CA1: variants seen among roughly 807,000 people sequenced by gnomAD.
The protein encoded by CA1 is carbonic anhydrase 1.
In CA1, 27 loss-of-function variants were observed where a neutral mutation model predicts 28.8. The ratio of observed to expected loss-of-function variants is 0.94; its 90% CI spans 0.69 to 1.29. CA1 has a LOEUF of 1.29. Ranked by LOEUF, CA1 falls within the 50% of genes most tolerant of loss-of-function variation. The pLI is 0.00. For missense variants in CA1, 335 were observed against 310.5 expected, an observed-to-expected ratio of 1.08 and a Z score of -0.59; for synonymous variants, 121 against 108.8, an observed-to-expected ratio of 1.11 and a Z score of -0.70.
chr8:85,341,539 T>G, intron 2 of CA1, 60 bp downstream of exon 2: 1 of 1,016,876 alleles, frequency 9.8e-7, no homozygotes, highest in Non-Finnish European at 1.6e-6. Flanking sequence ...CTTAATATCT[T>G]TTCTGTTGGA....
In CA1 at chr8:85,338,307, A is replaced by C. The variant is rs912690596; in HGVS notation, c.180T>G (p.Ile60Met). Residue 60 changes from isoleucine (I) to methionine (M), a missense_variant, in exon 3 of 8, where the codon ATT (isoleucine) becomes ATG (methionine). Physicochemically the swap from Ile to Met is conservative, Grantham distance 10. Coordinates refer to ENST00000523022, the MANE Select transcript of CA1 (RefSeq NM_001128831.4). ...VSYNPATAKE[I>M]INVGHSFHVN... The stretch of plus-strand genomic sequence containing the variant: ...CATGGAAGGAATGCCCCACATTGAT[A>C]ATTTCTTTGGCTGTGGCTGGGTTGT... 1 of 1,613,992 alleles carries C rather than the reference A, an allele frequency of 6.2e-7. No homozygotes were observed. The highest frequency in any genetic ancestry group is 8.5e-7 in the Non-Finnish European group (1 of 1,179,906).
At chr8:85,347,489 A>G (rs1809244492) in intron 1 of CA1, among the ~76,000 whole-genome samples, 1 of 152,226 alleles carries the variant, frequency 6.6e-6, no homozygotes, top group Admixed American at 6.5e-5. Context: ...GTTATAAACA[A>G]ACAGCCAGAA....
intron 1 of CA1, among the ~76,000 whole-genome samples, chr8:85,352,470 G>T (rs1310891657): frequency 6.6e-6 from 1 of 152,160 alleles, no homozygotes; most frequent in East Asian, 1.9e-4. Context: ...ATACCGGTAT[G>T]CCTGCTTTCC....
chr8:85,337,151 A>G (rs2130178329), intron 3 of CA1, 88 bp from the exon 4 acceptor site: 1 of 811,168 alleles, frequency 1.2e-6, no homozygotes, highest in Non-Finnish European at 2.2e-6. Context: ...ACTAAATTGT[A>G]TTGAGTAGAA....
At chr8:85,361,104 T>C (rs897151146) in intron 1 of CA1, among the ~76,000 whole-genome samples, 1 of 151,776 alleles carries the variant, frequency 6.6e-6, no homozygotes, top group African/African-American at 2.4e-5. Context: ...ATCCTGAGAG[T>C]GGATGCCAGT....
chr8:85,351,604 G>A (rs757917563), intron 1 of CA1: 23 of 152,184 alleles, frequency 1.5e-4, no homozygotes, highest in South Asian at 4.1e-4. Flanking sequence ...CATTGGCATC[G>A]CCTGAGGGTA....
chr8:85,352,206 C>T (rs1319511232), intron 1 of CA1, among the ~76,000 whole-genome samples: 1 of 152,134 alleles, frequency 6.6e-6, no homozygotes, highest in Non-Finnish European at 1.5e-5. Flanking sequence ...GTTTTGAACT[C>T]AATGATCCAT....
intron 1 of CA1, among the ~76,000 whole-genome samples, chr8:85,370,055 G>A (rs941272551): frequency 2.6e-5 from 4 of 152,180 alleles, no homozygotes; most frequent in African/African-American, 9.7e-5. Context: ...AAATGGGGGG[G>A]AAGTTGAACC....
chr8:85,363,691 C>T (rs548864047), intron 1 of CA1, among the ~76,000 whole-genome samples: 6 of 152,282 alleles, frequency 3.9e-5, no homozygotes, highest in Non-Finnish European at 8.8e-5. Context: ...TGCCTCTTAC[C>T]TGCTGACATC....
chr8:85,329,655 C>T (rs370002055), intron 7 of CA1, 34 bp downstream of exon 7: 113 of 1,563,510 alleles, frequency 7.2e-5, no homozygotes, highest in Admixed American at 2.0e-4. Flanking sequence ...ATTCCTGCTA[C>T]GCATTCCCAG....
chr8:85,334,121 A>G (rs910614053), intron 4 of CA1, among the ~76,000 whole-genome samples: 3 of 152,200 alleles, frequency 2.0e-5, no homozygotes, highest in Non-Finnish European at 2.9e-5. Context: ...AGATTTGTAC[A>G]TCCAAGTATG....
chr8:85,341,418 G>A (rs1215546281), intron 2 of CA1, 181 bp downstream of exon 2: 2 of 531,846 alleles, frequency 3.8e-6, no homozygotes, highest in East Asian at 6.0e-5. Flanking sequence ...AACATATTTT[G>A]TAGTCAGCCA....
In CA1 at chr8:85,329,863, T is replaced by A. The variant is rs778452154; in HGVS notation, c.514-19A>T. On this transcript the variant is annotated intron_variant, in intron 6 of 7. Coordinates refer to ENST00000523022, the MANE Select transcript of CA1 (RefSeq NM_001128831.4). Reference sequence around the variant, plus strand: ...GTTTGCCCTGGAAGAAAAGAATACATCATTACAGCATGATATAAAATACTT... The same window carrying A: ...GTTTGCCCTGGAAGAAAAGAATACAACATTACAGCATGATATAAAATACTT... The A allele has an allele frequency of 7.1e-6, 11 of 1,555,656 alleles. No individual in the cohort carries two copies. The South Asian group carries it at 1.3e-4, about 18-fold the overall frequency.
chr8:85,370,601 A>G (rs533306468), intron 1 of CA1, among the ~76,000 whole-genome samples: 2 of 152,136 alleles, frequency 1.3e-5, no homozygotes, highest in African/African-American at 4.8e-5. Flanking sequence ...CTCAGTAGAG[A>G]TGCTTTTTAT....
At chr8:85,332,444 G>A (rs1320290453) in intron 6 of CA1, 46 bp downstream of exon 6, 1 of 1,419,870 alleles carries the variant, frequency 7.0e-7, no homozygotes, top group Admixed American at 1.7e-5. Flanking sequence ...CCATAGATCT[G>A]TAAATTCTTG....
chr8:85,371,257 G>A (rs1810215372), intron 1 of CA1, among the ~76,000 whole-genome samples: 2 of 152,134 alleles, frequency 1.3e-5, no homozygotes, highest in South Asian at 2.1e-4. Flanking sequence ...TTCAAGATCT[G>A]TTTCTTTTCC....
At chr8:85,355,362 C>T (rs534303587) in intron 1 of CA1, among the ~76,000 whole-genome samples, 1 of 152,142 alleles carries the variant, frequency 6.6e-6, no homozygotes, top group Non-Finnish European at 1.5e-5. Flanking sequence ...GAGAAAGCAA[C>T]CAAATGTACC....
At chr8:85,370,337 ACTG>A (rs1338759345) in intron 1 of CA1, among the ~76,000 whole-genome samples, 2 of 152,176 alleles carry the variant, frequency 1.3e-5, no homozygotes, top group Non-Finnish European at 2.9e-5. Flanking sequence ...AATGGTAGTG[ACTG>A]GTTATCATGG....
chr8:85,360,330 G>A (rs1809744938), intron 1 of CA1, among the ~76,000 whole-genome samples: 1 of 152,138 alleles, frequency 6.6e-6, no homozygotes, highest in Admixed American at 6.5e-5. Context: ...ACCTTTTCCT[G>A]TCAATCTAAA....
Sources: allele counts gnomAD v4.1 joint callset (sites outside exome capture counted in the v4.1 genomes callset), GRCh38; gene constraint gnomAD v4.1.1; transcripts MANE v1.5; gene names NCBI Gene and HGNC (gene_info 2026-07-23, HGNC 2026-07-21).